The following HELZ2 variants were observed in gnomAD, a reference collection of about 807,000 sequenced individuals.
The protein encoded by HELZ2 is 3'-5' exoribonuclease HELZ2.
HELZ2 carries 143 observed loss-of-function variants against 208.8 expected under a neutral mutation model. The ratio of observed to expected loss-of-function variants is 0.68; its 90% CI spans 0.60 to 0.79. The LOEUF (loss-of-function observed/expected upper bound fraction) is 0.79, where lower values mean the gene tolerates loss of function less well. Among genes scored for constraint, HELZ2 ranks in the 30% least tolerant of loss-of-function variants. The probability of loss-of-function intolerance (pLI) is 0.00; values close to 1 mark genes in which losing one functional copy is unlikely to be tolerated. For synonymous variants in HELZ2, 1,705 were observed against 1,693.7 expected (o/e 1.01, Z -0.16); for missense variants, 3,690 against 3,794.5 (o/e 0.97, Z 0.72).
rs369115726 is a variant in HELZ2 at position 63,566,370 on chromosome 20, T to C, written c.2590+8A>G. 1.8e-4 allele frequency: 273 copies of C among 1,547,624 alleles called. No homozygotes were observed. The highest frequency in any genetic ancestry group is 4.6e-4 in the Middle Eastern group (2 of 4,388). ...AGCTGGCAGCACCTGGCCCCGCTGG[T>C]CACCCACCTGGCAGGATCTCAAAAC... On this transcript the variant is annotated splice_region_variant and intron_variant, in intron 7 of 18. Transcript: ENST00000467148.
At position 63,568,925 on chromosome 20, in the gene HELZ2, G is replaced by A. The variant is rs199977542; in HGVS notation, c.1163C>T (p.Pro388Leu). The A allele has an allele frequency of 5.5e-5, 89 of 1,609,218 alleles. No homozygotes were observed. The highest frequency in any genetic ancestry group is 2.9e-4 in the South Asian group (26 of 91,086). The stretch of plus-strand genomic sequence containing the variant: ...GGGGACCTCTGCGTACAGTGCTCCC[G>A]GAGGCGCGAAGAGCATGTTCAGCGC... Residue 388 changes from proline (P) to leucine (L), a missense_variant, in exon 5 of 19, where the codon CCG becomes CTG. By Grantham distance (98) the Pro-to-Leu change is moderately conservative. Coordinates refer to ENST00000467148, the Ensembl canonical transcript of HELZ2.
chr20:63,566,341 G>A, intron 7 of HELZ2, 37 bp downstream of exon 8: 10 of 1,540,110 alleles, frequency 6.5e-6, no homozygotes, highest in Non-Finnish European at 8.8e-6. Context: ...GGGTATCCTG[G>A]GGCAGCTGGC....
At chr20:63,569,413 G>T in exon 4 of HELZ2, 1 of 1,608,158 alleles carries the variant, frequency 6.2e-7, no homozygotes, top group Non-Finnish European at 8.5e-7. Flanking sequence ...CCTGGGCGAC[G>T]CCCCTGGCCC....
chr20:63,560,434 C>G (rs1022029268), intron 16 of HELZ2, 45 bp downstream of exon 17: 2 of 1,599,004 alleles, frequency 1.3e-6, no homozygotes, highest in Non-Finnish European at 1.7e-6. Flanking sequence ...CCTCAGCCAC[C>G]TCCTCCAGAA....
chr20:63,563,376 G>A (rs751262585), exon 8 of HELZ2: 8 of 1,537,090 alleles, frequency 5.2e-6, no homozygotes, highest in South Asian at 3.6e-5. Flanking sequence ...TGTGGGTCCG[G>A]CACAGTGCCA....
exon 14 of HELZ2, chr20:63,561,154 A>G: frequency 6.2e-7 from 1 of 1,613,036 alleles, no homozygotes; most frequent in Non-Finnish European, 8.5e-7. Context: ...CCTCGTCAAC[A>G]AGGATCTGCC....
chr20:63,567,466 C>A, exon 6 of HELZ2: 1 of 1,557,302 alleles, frequency 6.4e-7, no homozygotes. Flanking sequence ...TGTGGGCGGG[C>A]GGAAAGCCTG....
rs2082878882 is a variant in HELZ2 at position 63,560,946 on chromosome 20, G to A, written c.7147-17C>T. ...AAGAACCACCTGGAGGAATAGGCAG[G>A]CCTGGCCCTGACACCCCTAGACCCA... On this transcript the variant is annotated splice_polypyrimidine_tract_variant and intron_variant, in intron 14 of 18. Coordinates refer to ENST00000467148, the Ensembl canonical transcript of HELZ2. 1.2e-6 allele frequency: 2 copies of A among 1,610,988 alleles called. No homozygotes were observed. Among genetic ancestry groups the A allele is most frequent in the African/African-American group, 1.3e-5 (1 of 74,830 alleles).
intron 18 of HELZ2, 23 bp from the exon 20 acceptor site, chr20:63,559,393 G>A (rs2082852804): frequency 2.5e-6 from 4 of 1,576,502 alleles, no homozygotes; most frequent in Admixed American, 1.7e-5. Flanking sequence ...GAGTCAGATG[G>A]GAGTCAGTCA....
rs375772659 is a variant in HELZ2 at position 63,562,766 on chromosome 20, G to A, written c.6056C>T (p.Thr2019Met). 141 of 1,604,532 alleles carry A rather than the reference G, an allele frequency of 8.8e-5. 1 individual carries two copies. Among genetic ancestry groups the A allele is most frequent in the African/African-American group, 2.3e-4 (17 of 74,898 alleles). The change falls in exon 8 of 19, where the codon ACG becomes ATG. Residue 2019 changes from threonine (T) to methionine (M), a missense_variant. Physicochemically the swap from Thr to Met is moderately conservative, Grantham distance 81. Transcript: ENST00000467148. ...GCTGGGCCCAGGGCGTGGGCTGGCC[G>A]TGGGAGCCGGCAGCCCCTCGAGCCG...
At chr20:63,563,635 C>T (rs777978496) in exon 8 of HELZ2, 1 of 1,544,366 alleles carries the variant, frequency 6.5e-7, no homozygotes, top group African/African-American at 1.4e-5. Flanking sequence ...GCTGCACGGC[C>T]AGGTGCAGGC....
exon 8 of HELZ2, chr20:63,565,051 G>C (rs761699104): frequency 3.2e-6 from 5 of 1,562,390 alleles, no homozygotes; most frequent in Middle Eastern, 1.7e-4. Context: ...GCCGGGCCTC[G>C]GCGGTGAGCC....
At position 63,564,332 on chromosome 20, in the gene HELZ2, C is replaced by T. The variant is rs753002210; in HGVS notation, c.4490G>A (p.Arg1497His). The change falls in exon 8 of 19, where the codon CGC (arginine) becomes CAC (histidine). Residue 1497 changes from arginine (R) to histidine (H), a missense_variant. Physicochemically the swap from Arg to His is conservative, Grantham distance 29. This residue lies in a region of HELZ2 where 2,564 missense variants were observed against 2,580.5 expected (regional missense o/e 0.99). Transcript: ENST00000467148. ...GCAGTCGGACCGCAGGCGGTGCCGG[C>T]GCAGCAGCCGAGAGAAGTAGCACGC... 2.3e-5 allele frequency: 36 copies of T among 1,581,800 alleles called. No homozygotes were observed. The highest frequency in any genetic ancestry group is 1.7e-4 in the Middle Eastern group (1 of 6,046).
In HELZ2 at chr20:63,559,315, G is replaced by A. The variant is rs201926200; in HGVS notation, c.7881C>T (p.Cys2627=). 259 of 1,601,910 alleles carry A rather than the reference G, an allele frequency of 1.6e-4. 1 individual carries two copies. The highest frequency in any genetic ancestry group is 1.9e-4 in the Non-Finnish European group (228 of 1,174,792). ...CAGGCACGAGGGTCTGCTGAGCCTCGCAGAAGTCCAGGAGGCTACGCCAGA... is the reference window on the plus strand; with the variant it reads ...CAGGCACGAGGGTCTGCTGAGCCTCACAGAAGTCCAGGAGGCTACGCCAGA... Residue 2627 remains cysteine (C), a synonymous_variant, in exon 19 of 19, where the codon TGC becomes TGT. Transcript: ENST00000467148.
At chr20:63,559,109 A>T, downstream of HELZ2, 1 of 981,150 alleles carries the variant, frequency 1.0e-6, no homozygotes, top group South Asian at 1.8e-5. Flanking sequence ...AAGTCCACCC[A>T]CTTCCTGCCC....
At chr20:63,567,829 G>A (rs139624205) in intron 5 of HELZ2, 26 of 1,232,386 alleles carry the variant, frequency 2.1e-5, no homozygotes, top group African/African-American at 9.1e-5. Flanking sequence ...ACACCTGGGC[G>A]AGCCCAGCGG....
At chr20:63,569,656 G>T (rs1260275478) in exon 4 of HELZ2, 10 of 1,531,568 alleles carry the variant, frequency 6.5e-6, no homozygotes, top group Non-Finnish European at 8.8e-7. Context: ...GCCACGTGTA[G>T]CAGGGGCTCC....
At chr20:63,568,301 G>A (rs1448371857) in intron 5 of HELZ2, 57 bp downstream of exon 6, 17 of 1,327,352 alleles carry the variant, frequency 1.3e-5, no homozygotes, top group Middle Eastern at 4.1e-4. Context: ...CCGCCTGCCC[G>A]GTGTAGACTT....
upstream of HELZ2, chr20:63,573,224 G>A (rs1312986934): frequency 4.6e-5 from 7 of 152,276 alleles, no homozygotes; most frequent in African/African-American, 1.7e-4. The surrounding 1 kb of genome is among the most constrained non-coding windows in gnomAD (Gnocchi z 4.9). Flanking sequence ...TTCGAAGCCT[G>A]CGACAGAAGG....
Sources: gnomAD v4.1 joint callset for allele counts on GRCh38, gnomAD v4.1.1 for gene constraint, gnomAD v4.1.1 regional missense constraint, Gnocchi (gnomAD v3.1) non-coding constraint, MANE v1.5 for transcripts, NCBI Gene and HGNC (gene_info 2026-07-23, HGNC 2026-07-21) for gene names.